Variants in UFD1 observed in about 807,000 individuals in gnomAD.
The protein encoded by UFD1 is ubiquitin recognition factor in ER-associated degradation protein 1.
A neutral mutation model predicts 45.9 loss-of-function variants in UFD1; 13 were observed. That is an observed-to-expected ratio of 0.28 (90% CI 0.18 to 0.45). The LOEUF is 0.45. Ranked by LOEUF, UFD1 falls within the 20% of genes least tolerant of loss-of-function variation. The probability of loss-of-function intolerance (pLI) is 1.00; values close to 1 mark genes in which losing one functional copy is unlikely to be tolerated. For missense variants in UFD1, 218 were observed against 389.2 expected (o/e 0.56, Z 3.70); for synonymous variants, 128 against 139.2 (o/e 0.92, Z 0.56).
intron 4 of UFD1, among the ~76,000 whole-genome samples, chr22:19,468,565 A>G (rs886513108): frequency 1.3e-5 from 2 of 152,218 alleles, no homozygotes; most frequent in Non-Finnish European, 2.9e-5. Flanking sequence ...TGAGACGGAA[A>G]GAGATAAACA....
Position 19,457,040 on chromosome 22 carries a change from C to T in UFD1, c.565-122G>A, listed in dbSNP as rs936292912. The T allele has an allele frequency of 4.3e-5, 31 of 720,524 alleles. No homozygotes were observed. The South Asian group carries it at 4.8e-4, about 11-fold the overall frequency. 44.6% of individuals were successfully genotyped at this position (720,524 alleles called of 1,614,324 possible). ...GTTTTAAGAAATAATACAAAAGATG[C>T]CTTGTACACTTGCCCAGTTTTCCCA... On this transcript the variant is annotated intron_variant, in intron 7 of 11. Coordinates refer to ENST00000263202, the MANE Select transcript of UFD1 (RefSeq NM_005659.7).
intron 4 of UFD1, among the ~76,000 whole-genome samples, chr22:19,469,746 T>C (rs1197284765): frequency 6.6e-6 from 1 of 152,128 alleles, no homozygotes; most frequent in African/African-American, 2.4e-5. Context: ...GGGGTATACC[T>C]GTCACCCGCC....
intron 6 of UFD1, 171 bp downstream of exon 6, chr22:19,465,031 A>G: frequency 1.6e-6 from 1 of 625,454 alleles, no homozygotes; most frequent in South Asian, 1.9e-5. Flanking sequence ...GAGTTACCAA[A>G]TGAATTAGGG....
At chr22:19,458,386 T>C (rs190666346) in intron 6 of UFD1, among the ~76,000 whole-genome samples, 27 of 152,364 alleles carry the variant, frequency 1.8e-4, no homozygotes, top group African/African-American at 3.4e-4. Context: ...TACAGCTAAC[T>C]GCAAAAGACA....
At position 19,450,533 on chromosome 22, in the gene UFD1, T is replaced by C; in HGVS notation, c.*137A>G. The C allele has an allele frequency of 8.8e-7, 1 of 1,138,270 alleles. No individual in the cohort carries two copies. Among genetic ancestry groups the C allele is most frequent in the South Asian group, 1.5e-5 (1 of 67,910 alleles). The allele number at this position is 1,138,270 out of a possible 1,614,324, so 70.5% of individuals were successfully genotyped here. The stretch of plus-strand genomic sequence containing the variant: ...TCCACTTCCAAGTCAAACTTAATAA[T>C]TCTTAGGTAACTCTAAATAAATCTT... On this transcript the variant is annotated 3_prime_UTR_variant, in exon 12 of 12. Transcript: ENST00000263202.
chr22:19,468,077 G>A, intron 4 of UFD1, 74 bp from the exon 5 acceptor site: 2 of 1,561,978 alleles, frequency 1.3e-6, no homozygotes, highest in Non-Finnish European at 1.7e-6. Context: ...CCTATACACT[G>A]GGCAGGCCCG....
chr22:19,450,700 C>T lies in UFD1; in HGVS notation c.894G>A (p.Gln298=), dbSNP rs2146282867. Residue 298 remains glutamine (Q), a synonymous_variant, in exon 12 of 12, where the codon CAG becomes CAA. Coordinates refer to ENST00000263202, the MANE Select transcript of UFD1 (RefSeq NM_005659.7). The part of the protein sequence containing the change: ...GRFVAFSGEG[Q]SLRKKGRKP ...GCTTTCTTCCCTTTTTACGCAATGA[C>T]TGTCCTTCTCCAGAGAAAGCGACGA... is the stretch of plus-strand genomic sequence containing the variant. The T allele has an allele frequency of 6.2e-7, 1 of 1,614,224 alleles. No individual in the cohort carries two copies. Among genetic ancestry groups the T allele is most frequent in the Non-Finnish European group, 8.5e-7 (1 of 1,180,034 alleles).
intron 1 of UFD1, among the ~76,000 whole-genome samples, chr22:19,478,516 C>T (rs2146315658): frequency 6.6e-6 from 1 of 152,240 alleles, no homozygotes; most frequent in South Asian, 2.1e-4. Flanking sequence ...AGAAATAAGC[C>T]GCGATGAGGG....
intron 5 of UFD1, 185 bp from the exon 6 acceptor site, chr22:19,465,459 A>G (rs1030348478): frequency 5.3e-5 from 29 of 546,760 alleles, no homozygotes; most frequent in South Asian, 1.8e-4. Flanking sequence ...ATGCAATAAT[A>G]TGGATGAAAT....
At chr22:19,469,258 T>TC (rs750240443) in intron 4 of UFD1, among the ~76,000 whole-genome samples, 21 of 152,078 alleles carry the variant, frequency 1.4e-4, no homozygotes, top group Non-Finnish European at 2.5e-4. Flanking sequence ...AGGCGCACTG[T>TC]CCCTGGGTAG....
chr22:19,474,417 G>C (rs557447641), intron 3 of UFD1, among the ~76,000 whole-genome samples: 1 of 152,208 alleles, frequency 6.6e-6, no homozygotes, highest in East Asian at 1.9e-4. Context: ...GTGGTGGCGG[G>C]TGCCTGTAAT....
At chr22:19,475,375 CT>C in intron 2 of UFD1, 94 bp downstream of exon 2, 1 of 1,537,568 alleles carries the variant, frequency 6.5e-7, no homozygotes, top group African/African-American at 1.4e-5. Flanking sequence ...ACACTAGCTT[CT>C]GACTCCCACA....
At chr22:19,459,659 T>C (rs17811276) in intron 6 of UFD1, among the ~76,000 whole-genome samples, 36,727 of 150,722 alleles carry the variant, frequency 0.24, 4,651 homozygotes, top group East Asian at 0.43. Context: ...TCCAGAAGCA[T>C]AGAAATTAAA....
chr22:19,470,388 G>A (rs1173026841), intron 4 of UFD1, among the ~76,000 whole-genome samples: 1 of 152,172 alleles, frequency 6.6e-6, no homozygotes, highest in Non-Finnish European at 1.5e-5. Flanking sequence ...GGCAGCATGG[G>A]CAAGGTCACC....
chr22:19,458,529 C>T (rs1311911455), intron 6 of UFD1, among the ~76,000 whole-genome samples: 5 of 152,150 alleles, frequency 3.3e-5, no homozygotes, highest in African/African-American at 4.8e-5. Context: ...CTGCAACCTC[C>T]GCCTCCAGGG....
chr22:19,469,754 G>A (rs1216301886), intron 4 of UFD1, among the ~76,000 whole-genome samples: 3 of 152,196 alleles, frequency 2.0e-5, no homozygotes, highest in East Asian at 1.9e-4. Flanking sequence ...CCTGTCACCC[G>A]CCTGCCCATG....
chr22:19,477,448 T>C (rs925565350), intron 1 of UFD1, among the ~76,000 whole-genome samples: 1 of 152,220 alleles, frequency 6.6e-6, no homozygotes, highest in South Asian at 2.1e-4. Flanking sequence ...AAAGGACTTA[T>C]ATTTTATGAG....
intron 4 of UFD1, among the ~76,000 whole-genome samples, chr22:19,468,987 G>A (rs901148187): frequency 2.0e-5 from 3 of 152,218 alleles, no homozygotes; most frequent in African/African-American, 4.8e-5. Flanking sequence ...GGCTGTGCCT[G>A]GGAAGCCGTG....
intron 3 of UFD1, among the ~76,000 whole-genome samples, chr22:19,473,281 C>T (rs2089858918): frequency 6.6e-6 from 1 of 152,192 alleles, no homozygotes; most frequent in African/African-American, 2.4e-5. Context: ...GACTTAGAGG[C>T]TCCCAGTGCC....
Sources: gnomAD v4.1 joint callset for allele counts (sites outside exome capture counted in the v4.1 genomes callset) on GRCh38, gnomAD v4.1.1 for gene constraint, MANE v1.5 for transcripts, NCBI Gene and HGNC (gene_info 2026-07-23, HGNC 2026-07-21) for gene names.